Variants in SORCS2 observed in about 807,000 individuals in gnomAD.
SORCS2 encodes the protein sortilin related VPS10 domain containing receptor 2, also known as VPS10 domain-containing receptor SorCS2.
A neutral mutation model predicts 141.6 loss-of-function variants in SORCS2; 100 were observed. That is an observed-to-expected ratio of 0.71 (90% CI 0.60 to 0.83). The LOEUF is 0.83. Ranked by LOEUF, SORCS2 falls within the 40% of genes least tolerant of loss-of-function variation. The pLI, the probability that SORCS2 is intolerant of heterozygous loss-of-function variation, is 0.00. For missense variants in SORCS2, 1,646 were observed against 1,560.2 expected (o/e 1.05, Z -0.93); for synonymous variants, 789 against 676.9 (o/e 1.17, Z -2.57).
intron 3 of SORCS2, among the ~76,000 whole-genome samples, chr4:7,551,950 C>T (rs955718381): frequency 6.6e-5 from 10 of 152,194 alleles, no homozygotes; most frequent in African/African-American, 1.4e-4. Context: ...TAATCGGCAG[C>T]GTTGCCTGCT....
At chr4:7,432,857 C>T (rs575921833) in intron 2 of SORCS2, 254 of 153,874 alleles carry the variant, frequency 1.7e-3, no homozygotes, top group Non-Finnish European at 2.6e-3. Context: ...CTCCCACCCC[C>T]GGCTGTTGGC....
chr4:7,580,301 G>A (rs906362706), intron 3 of SORCS2, among the ~76,000 whole-genome samples: 3 of 152,134 alleles, frequency 2.0e-5, no homozygotes, highest in Non-Finnish European at 2.9e-5. Flanking sequence ...GGCCAATGTG[G>A]TGAAACCCCA....
intron 2 of SORCS2, among the ~76,000 whole-genome samples, chr4:7,526,475 G>A (rs779485102): frequency 2.4e-4 from 36 of 152,252 alleles, no homozygotes; most frequent in Non-Finnish European, 4.1e-4. Flanking sequence ...TAACTATGAC[G>A]ATGATAAAAG....
intron 12 of SORCS2, among the ~76,000 whole-genome samples, chr4:7,697,785 T>G (rs1577087359): frequency 4.1e-5 from 6 of 144,726 alleles, no homozygotes; most frequent in Admixed American, 6.8e-5. Flanking sequence ...GTTGTGGGGG[T>G]CATTGTGAGT....
At chr4:7,287,975 C>T (rs1716338951) in intron 1 of SORCS2, among the ~76,000 whole-genome samples, 2 of 152,236 alleles carry the variant, frequency 1.3e-5, no homozygotes, top group South Asian at 2.1e-4. Context: ...CTTCACCCAG[C>T]CCCTGTGGGA....
At chr4:7,716,596 A>G (rs564987560) in intron 17 of SORCS2, among the ~76,000 whole-genome samples, 7 of 151,572 alleles carry the variant, frequency 4.6e-5, no homozygotes, top group African/African-American at 7.3e-5. Flanking sequence ...CTACCCATCA[A>G]TTCATCCACT....
chr4:7,556,926 CCCACCCATCCAT>C (rs1291228875), intron 3 of SORCS2, among the ~76,000 whole-genome samples: 1 of 143,538 alleles, frequency 7.0e-6, no homozygotes, highest in African/African-American at 2.5e-5. Context: ...CACCCACCCA[CCCACCCATCCAT>C]CCACCCACTC....
intron 3 of SORCS2, among the ~76,000 whole-genome samples, chr4:7,628,240 C>T (rs994148316): frequency 3.9e-5 from 6 of 152,090 alleles, no homozygotes; most frequent in South Asian, 4.1e-4. Flanking sequence ...GTTAAAAGTT[C>T]GGCCAGGCGC....
At chr4:7,513,102 C>T (rs1459981281) in intron 2 of SORCS2, among the ~76,000 whole-genome samples, 1 of 152,190 alleles carries the variant, frequency 6.6e-6, no homozygotes, top group African/African-American at 2.4e-5. Context: ...CCCAGGTACC[C>T]CTGCCTCACA....
At chr4:7,388,892 TTGTTGTGGTGTTGTGG>T (rs113629807) in intron 1 of SORCS2, among the ~76,000 whole-genome samples, 13 of 151,376 alleles carry the variant, frequency 8.6e-5, no homozygotes, top group Admixed American at 1.3e-4. Flanking sequence ...TGGTCTCTGG[TTGTTGTGGTGTTGTGG>T]TGTTGTGGTG....
At chr4:7,549,892 T>C (rs1713550719) in intron 3 of SORCS2, among the ~76,000 whole-genome samples, 2 of 152,146 alleles carry the variant, frequency 1.3e-5, no homozygotes, top group African/African-American at 4.8e-5. Flanking sequence ...CCCACCCCCA[T>C]GCCACAGGGC....
At chr4:7,703,854 A>T (rs1172879937) in intron 13 of SORCS2, among the ~76,000 whole-genome samples, 1 of 152,224 alleles carries the variant, frequency 6.6e-6, no homozygotes, top group Non-Finnish European at 1.5e-5. Flanking sequence ...CAACTGCCAG[A>T]TGGTGGCACT....
At chr4:7,284,862 C>T (rs1016972147) in intron 1 of SORCS2, among the ~76,000 whole-genome samples, 4 of 152,020 alleles carry the variant, frequency 2.6e-5, no homozygotes, top group Non-Finnish European at 4.4e-5. Context: ...AAGATCCTTC[C>T]GGCCTCTTCT....
chr4:7,502,292 C>T (rs989285193), intron 2 of SORCS2, among the ~76,000 whole-genome samples: 23 of 152,344 alleles, frequency 1.5e-4, no homozygotes, highest in South Asian at 8.3e-4. Flanking sequence ...CCAGGCTCAG[C>T]ACCACTGTCT....
chr4:7,267,051 C>G (rs13138649), intron 1 of SORCS2, among the ~76,000 whole-genome samples: 1 of 152,144 alleles, frequency 6.6e-6, no homozygotes, highest in Non-Finnish European at 1.5e-5. Context: ...TGGTACCAGC[C>G]TGGATCGCTG....
intron 1 of SORCS2, among the ~76,000 whole-genome samples, chr4:7,215,815 G>A (rs1171442349): frequency 1.3e-5 from 2 of 152,234 alleles, no homozygotes; most frequent in African/African-American, 4.8e-5. Context: ...AATCTGATGG[G>A]GACGTGGAGA....
chr4:7,295,387 C>T (rs978349279), intron 1 of SORCS2, among the ~76,000 whole-genome samples: 10 of 151,838 alleles, frequency 6.6e-5, no homozygotes, highest in African/African-American at 1.9e-4. Flanking sequence ...CTCTGCCGGC[C>T]GGCCGGGTGC....
chr4:7,619,906 G>T (rs1336634676), intron 3 of SORCS2, among the ~76,000 whole-genome samples: 1 of 152,072 alleles, frequency 6.6e-6, no homozygotes, highest in Non-Finnish European at 1.5e-5. Context: ...AGAGGGTCTC[G>T]GCACAGATTC....
intron 2 of SORCS2, among the ~76,000 whole-genome samples, chr4:7,459,103 C>T (rs1055374592): frequency 3.9e-5 from 6 of 152,050 alleles, no homozygotes; most frequent in Non-Finnish European, 8.8e-5. Flanking sequence ...CTTCTGTGTG[C>T]GCAAAGGTGT....
Sources: gnomAD v4.1 joint callset for allele counts (sites outside exome capture counted in the v4.1 genomes callset) on GRCh38, gnomAD v4.1.1 for gene constraint, MANE v1.5 for transcripts, NCBI Gene and HGNC (gene_info 2026-07-23, HGNC 2026-07-21) for gene names.